RBM25: variants seen among roughly 807,000 people sequenced by gnomAD.
RBM25 encodes RNA-binding protein 25.
In RBM25, 19 loss-of-function variants were observed where a neutral mutation model predicts 120.7. That is an observed-to-expected ratio of 0.16 (90% confidence interval 0.11 to 0.23). RBM25 has a LOEUF of 0.23. RBM25 is among the 10% of genes least tolerant of loss of function. The pLI is 1.00. For synonymous variants in RBM25, 390 were observed against 326.7 expected (o/e 1.19, Z -2.09); for missense variants, 605 against 1,041.5 (o/e 0.58, Z 5.77).
At chr14:73,070,939 C>T (rs1210787482) in intron 1 of RBM25, among the ~76,000 whole-genome samples, 3 of 135,466 alleles carry the variant, frequency 2.2e-5, no homozygotes, top group African/African-American at 8.8e-5. Flanking sequence ...GAGCGAGACT[C>T]CATCTCAAAA....
At chr14:73,110,685 T>G in intron 14 of RBM25, 146 bp from the exon 15 acceptor site, 1 of 968,706 alleles carries the variant, frequency 1.0e-6, no homozygotes, top group Non-Finnish European at 1.5e-6. Flanking sequence ...CACCGCGGCC[T>G]CCCAAAGTGC....
At position 73,111,094 on chromosome 14, in the gene RBM25, C is replaced by T. The variant is rs944221233; in HGVS notation, c.1956C>T (p.Asn652=). ...GTGGTATTATTATTCCTCATGAAAA[C>T]TCACCAGATCAACAGCAACCTGAGG... is the stretch of plus-strand genomic sequence containing the variant. ...SPCGIIIPHE[N]SPDQQQPEEH... is the part of the protein sequence containing the mutation. The change falls in exon 15 of 19, where the codon AAC becomes AAT. Residue 652 remains asparagine, a synonymous_variant. Coordinates refer to ENST00000261973, the MANE Select transcript of RBM25 (RefSeq NM_021239.3). 5.6e-6 allele frequency: 9 copies of T among 1,614,108 alleles called. No individual in the cohort carries two copies. The highest frequency in any genetic ancestry group is 3.3e-4 in the Middle Eastern group (2 of 6,084).
chr14:73,058,848 T>A (rs1894927437), intron 1 of RBM25, 143 bp downstream of exon 1: 1 of 145,282 alleles, frequency 6.9e-6, no homozygotes, highest in Non-Finnish European at 1.5e-5. Flanking sequence ...GGGGGAGGGG[T>A]CGGCACGAGG....
intron 7 of RBM25, 99 bp downstream of exon 7, chr14:73,097,199 T>TTTTC (rs1895963427): frequency 1.0e-5 from 6 of 601,456 alleles, no homozygotes; most frequent in East Asian, 7.7e-5. Context: ...TTCTTTTCTT[T>TTTTC]TTTTTTTTTT....
chr14:73,109,189 T>A (rs1460597913), intron 13 of RBM25, 153 bp from the exon 14 acceptor site: 1 of 720,718 alleles, frequency 1.4e-6, no homozygotes, highest in South Asian at 1.9e-5. Flanking sequence ...GAGAGCACAC[T>A]CTGGTGTGTT....
chr14:73,109,414 A>G lies in RBM25; in HGVS notation c.1614A>G (p.Arg538=). ...AAGCAGATGAACGAGATAGGAAGAG[A>G]GAGAAGGAGGAGCTTGAGGAAATCA... ...EMEADERDRK[R]EKEELEEIRQ... Residue 538 remains arginine (R), a synonymous_variant, in exon 14 of 19, where the codon AGA becomes AGG. Coordinates refer to ENST00000261973, the MANE Select transcript of RBM25 (RefSeq NM_021239.3). 6.2e-7 allele frequency: 1 copy of G among 1,614,156 alleles called. No individual in the cohort carries two copies. Among genetic ancestry groups the G allele is most frequent in the Non-Finnish European group, 8.5e-7 (1 of 1,180,012 alleles).
intron 2 of RBM25, 120 bp from the exon 3 acceptor site, chr14:73,076,199 C>A: frequency 1.2e-6 from 1 of 828,840 alleles, no homozygotes; most frequent in Non-Finnish European, 2.0e-6. Context: ...ATCAGTATTT[C>A]ACTTTCATTT....
At position 73,106,009 on chromosome 14, in the gene RBM25, A is replaced by T. The variant is rs746741627; in HGVS notation, c.1305A>T (p.Glu435Asp). ...AAGACAAAAAACGGGACCGAGAAGA[A>T]GATGAAGAAGATGCATACGAACGAA... ...REKDKKRDREEDEEDAYERRK... is the reference protein window; with the variant it reads ...REKDKKRDREDDEEDAYERRK... The change falls in exon 11 of 19, where the codon GAA (glutamate) becomes GAT (aspartate). Residue 435 changes from glutamate (E) to aspartate (D), a missense_variant. Around this residue, in one of 4 missense-constraint regions of RBM25, gnomAD observed 465 missense variants for 741.6 expected, o/e 0.63. Coordinates refer to ENST00000261973, the MANE Select transcript of RBM25 (RefSeq NM_021239.3). 4.3e-6 allele frequency: 7 copies of T among 1,613,916 alleles called. No individual in the cohort carries two copies. The highest frequency in any genetic ancestry group is 2.2e-5 in the East Asian group (1 of 44,884).
chr14:73,091,504 G>C (rs1895812902), intron 6 of RBM25, among the ~76,000 whole-genome samples: 1 of 152,164 alleles, frequency 6.6e-6, no homozygotes, highest in Non-Finnish European at 1.5e-5. Flanking sequence ...AGGAGCCACT[G>C]TGTCCAGCTT....
chr14:73,099,463 C>A, intron 8 of RBM25, 30 bp downstream of exon 8: 1 of 1,601,340 alleles, frequency 6.2e-7, no homozygotes, highest in Non-Finnish European at 8.5e-7. Context: ...TTTGACAATA[C>A]CTGTGTTTAC....
rs71112704 is a variant in RBM25 at position 73,117,210 on chromosome 14, C to CTTTTTTTTTTTTTTTTTTTTTTTTTTTTT, written c.2440-2497_2440-2469dup. 5.7e-4 allele frequency among the ~76,000 whole-genome samples: 28 copies of CTTTTTTTTTTTTTTTTTTTTTTTTTTTTT among 49,432 alleles called. 6 individuals carry two copies. The highest frequency in any genetic ancestry group is 7.7e-4 in the Non-Finnish European group (21 of 27,338). 32.4% of individuals were successfully genotyped at this position (49,432 alleles called of 152,430 possible). The stretch of plus-strand genomic sequence containing the variant: ...TTTCTTTTAATTTCTTTCTTCTTTT[C>CTTTTTTTTTTTTTTTTTTTTTTTTTTTTT]TTTTTTTTTTTTTTTTTTTTTTTTT... On this transcript the variant is annotated intron_variant, in intron 18 of 18. Transcript: ENST00000261973.
At chr14:73,071,912 TG>T (rs1189095410) in intron 2 of RBM25, among the ~76,000 whole-genome samples, 165 bp downstream of exon 2, 1 of 152,186 alleles carries the variant, frequency 6.6e-6, no homozygotes, top group Non-Finnish European at 1.5e-5. Flanking sequence ...CTTTTATATC[TG>T]GCTGAGTATC....
At chr14:73,095,172 A>T (rs1895913966) in intron 6 of RBM25, among the ~76,000 whole-genome samples, 1 of 152,106 alleles carries the variant, frequency 6.6e-6, no homozygotes, top group African/African-American at 2.4e-5. Flanking sequence ...GTTTTGTAAT[A>T]ACATGTAATG....
intron 18 of RBM25, among the ~76,000 whole-genome samples, chr14:73,114,628 T>G (rs1470495688): frequency 6.6e-6 from 1 of 152,160 alleles, no homozygotes; most frequent in Admixed American, 6.5e-5. Context: ...TAGGCCTGAA[T>G]TAAAACTTGA....
chr14:73,085,332 T>G (rs1895660554), intron 5 of RBM25, among the ~76,000 whole-genome samples: 1 of 149,360 alleles, frequency 6.7e-6, no homozygotes, highest in Non-Finnish European at 1.5e-5. Context: ...AGTAGTCTGT[T>G]TTGAAGAATT....
chr14:73,105,804 G>A (rs1896173536), intron 10 of RBM25, 55 bp from the exon 11 acceptor site: 1 of 1,582,406 alleles, frequency 6.3e-7, no homozygotes, highest in Non-Finnish European at 8.6e-7. Flanking sequence ...CTTTACTTTG[G>A]TCTTGAAAAC....
chr14:73,085,723 A>G (rs1311858617), intron 5 of RBM25, among the ~76,000 whole-genome samples: 1 of 152,186 alleles, frequency 6.6e-6, no homozygotes, highest in Admixed American at 6.6e-5. Context: ...CTGGGATTAC[A>G]GGCTTGAGCC....
chr14:73,094,130 T>G (rs1895882209), intron 6 of RBM25, among the ~76,000 whole-genome samples: 1 of 151,412 alleles, frequency 6.6e-6, no homozygotes, highest in South Asian at 2.1e-4. Context: ...TTTTTTTGTA[T>G]TTTTGGTAGA....
At chr14:73,118,928 C>G (rs1896489848) in intron 18 of RBM25, among the ~76,000 whole-genome samples, 1 of 152,008 alleles carries the variant, frequency 6.6e-6, no homozygotes, top group Non-Finnish European at 1.5e-5. Context: ...GCCACCATGC[C>G]CAGCTAATTT....
Sources: allele counts gnomAD v4.1 joint callset (sites outside exome capture counted in the v4.1 genomes callset), GRCh38; gene constraint gnomAD v4.1.1; regional missense constraint gnomAD v4.1.1; transcripts MANE v1.5; gene names NCBI Gene and HGNC (gene_info 2026-07-23, HGNC 2026-07-21).